The following DCLK2 variants were observed in gnomAD, a reference collection of about 807,000 sequenced individuals.
DCLK2 encodes doublecortin like kinase 2.
Under a neutral mutation model 78.4 loss-of-function variants are expected in DCLK2, and 31 were observed. That is an observed-to-expected ratio of 0.40 (90% CI 0.30 to 0.53). The LOEUF (loss-of-function observed/expected upper bound fraction) is 0.53. Ranked by LOEUF, DCLK2 falls within the 20% of genes least tolerant of loss-of-function variation. The pLI is 0.61. For missense variants in DCLK2, 872 were observed against 973.7 expected, an observed-to-expected ratio of 0.90 and a Z score of 1.39; for synonymous variants, 407 against 374.9, an observed-to-expected ratio of 1.09 and a Z score of -0.99.
intron 5 of DCLK2, among the ~76,000 whole-genome samples, chr4:150,213,413 T>C (rs1239852942): frequency 6.6e-6 from 1 of 152,218 alleles, no homozygotes; most frequent in Non-Finnish European, 1.5e-5. Context: ...TACTGAAGTA[T>C]TTCAAATTAT....
At chr4:150,152,973 A>T (rs1410785346) in intron 2 of DCLK2, among the ~76,000 whole-genome samples, 1 of 152,232 alleles carries the variant, frequency 6.6e-6, no homozygotes, top group African/African-American at 2.4e-5. Context: ...AGAACAAAGG[A>T]ATGACTCAAT....
chr4:150,248,895 G>C (rs1743528369), intron 14 of DCLK2, among the ~76,000 whole-genome samples: 1 of 151,938 alleles, frequency 6.6e-6, no homozygotes, highest in Admixed American at 6.6e-5. Context: ...GTGGTCTCTG[G>C]GAGGGAAACA....
intron 8 of DCLK2, among the ~76,000 whole-genome samples, chr4:150,225,263 T>C (rs780535168): frequency 6.6e-6 from 1 of 152,236 alleles, no homozygotes; most frequent in South Asian, 2.1e-4. Context: ...CTTGGAAAGA[T>C]AGTTTGGAAC....
intron 12 of DCLK2, among the ~76,000 whole-genome samples, chr4:150,246,047 CTTTT>C (rs35501963): frequency 7.0e-6 from 1 of 143,704 alleles, no homozygotes. Context: ...AAACTCTACT[CTTTT>C]TTTTTTTTTT....
At chr4:150,190,321 G>A (rs57531291) in intron 2 of DCLK2, among the ~76,000 whole-genome samples, 8 of 151,942 alleles carry the variant, frequency 5.3e-5, no homozygotes, top group Non-Finnish European at 1.2e-4. Context: ...ACAGACGGAC[G>A]GATAGATGTC....
chr4:150,249,251 G>A (rs777826262), intron 14 of DCLK2, among the ~76,000 whole-genome samples: 2 of 152,070 alleles, frequency 1.3e-5, no homozygotes, highest in Non-Finnish European at 2.9e-5. Flanking sequence ...ATACTAAATC[G>A]TGTGCCTTGG....
chr4:150,101,565 C>A (rs1018514110), intron 1 of DCLK2, among the ~76,000 whole-genome samples: 6 of 151,838 alleles, frequency 4.0e-5, no homozygotes, highest in Admixed American at 2.0e-4. Flanking sequence ...ACCCTCTTAT[C>A]TTGTATGTCA....
chr4:150,198,142 C>G (rs368290083), intron 4 of DCLK2, 39 bp downstream of exon 4: 19 of 1,540,414 alleles, frequency 1.2e-5, no homozygotes, highest in Non-Finnish European at 1.7e-5. Context: ...ATAGCAGGAA[C>G]AGATCATTTT....
rs1744559456 is a variant in DCLK2, at chr4:150,256,240, G to A, written c.2294G>A (p.Arg765Gln). ...CGGGCAGGAACCTGGCGCCGCCACCGAGACTGAGCCTCCTGCAGACGGGCG... is the reference window on the plus strand; with the variant it reads ...CGGGCAGGAACCTGGCGCCGCCACCAAGACTGAGCCTCCTGCAGACGGGCG... The part of the protein sequence containing the change: ...GERAGTWRRH[R>Q]D The change falls in exon 16 of 16, where the codon CGA (arginine) becomes CAA (glutamine). Residue 765 changes from arginine (R) to glutamine (Q), a missense_variant. This residue lies in a region of DCLK2 where 219 missense variants were observed against 230.1 expected (regional missense o/e 0.95). Coordinates refer to ENST00000296550, the MANE Select transcript of DCLK2 (RefSeq NM_001040260.4). 2.7e-6 allele frequency: 4 copies of A among 1,457,056 alleles called. No homozygotes were observed. The highest frequency in any genetic ancestry group is 2.9e-5 in the East Asian group (1 of 34,420). 90.3% of individuals were successfully genotyped at this position (1,457,056 alleles called of 1,614,324 possible).
chr4:150,226,628 T>A (rs987688023), intron 8 of DCLK2, among the ~76,000 whole-genome samples: 13 of 152,100 alleles, frequency 8.5e-5, no homozygotes, highest in African/African-American at 3.1e-4. Context: ...ATGCAAAAAA[T>A]TTACACTAAG....
intron 2 of DCLK2, among the ~76,000 whole-genome samples, chr4:150,139,387 AAAG>A (rs1733952283): frequency 1.3e-5 from 2 of 152,154 alleles, no homozygotes; most frequent in Admixed American, 6.6e-5. Context: ...TAGGTGTGTA[AAAG>A]GAGTATCCGT....
intron 2 of DCLK2, among the ~76,000 whole-genome samples, chr4:150,154,209 G>A (rs1580608919): frequency 6.6e-6 from 1 of 152,246 alleles, no homozygotes; most frequent in East Asian, 1.9e-4. Context: ...CGAGTAATAC[G>A]TTTGTCACTC....
At chr4:150,208,455 T>G (rs1054311227) in intron 5 of DCLK2, among the ~76,000 whole-genome samples, 9 of 152,074 alleles carry the variant, frequency 5.9e-5, no homozygotes, top group Admixed American at 2.0e-4. Flanking sequence ...GGAGTCTTGC[T>G]ATGTTGCCCA....
intron 1 of DCLK2, among the ~76,000 whole-genome samples, chr4:150,091,847 C>G (rs1280257116): frequency 2.0e-5 from 3 of 150,924 alleles, no homozygotes; most frequent in Admixed American, 1.3e-4. Flanking sequence ...TCTGCCCTTT[C>G]AAATTTAAGT....
At chr4:150,163,526 C>A (rs1280408230) in intron 2 of DCLK2, among the ~76,000 whole-genome samples, 1 of 152,190 alleles carries the variant, frequency 6.6e-6, no homozygotes, top group Non-Finnish European at 1.5e-5. Flanking sequence ...CCAACCGCCA[C>A]CCCATGGTGT....
chr4:150,177,749 C>G (rs1370161261), intron 2 of DCLK2, among the ~76,000 whole-genome samples: 1 of 152,132 alleles, frequency 6.6e-6, no homozygotes, highest in Non-Finnish European at 1.5e-5. Context: ...AAGACATAAT[C>G]AGTATGACAT....
chr4:150,144,434 TC>T (rs751862388), intron 2 of DCLK2, among the ~76,000 whole-genome samples: 3 of 152,234 alleles, frequency 2.0e-5, no homozygotes, highest in Non-Finnish European at 2.9e-5. Context: ...GTTCCATTGA[TC>T]CGTGTGCATA....
At chr4:150,193,692 T>C (rs1738646488) in intron 3 of DCLK2, among the ~76,000 whole-genome samples, 1 of 152,174 alleles carries the variant, frequency 6.6e-6, no homozygotes, top group Non-Finnish European at 1.5e-5. Flanking sequence ...GGATAATAAC[T>C]ATCAATGGTG....
At chr4:150,101,072 A>G (rs942291850) in intron 1 of DCLK2, among the ~76,000 whole-genome samples, 3 of 152,000 alleles carry the variant, frequency 2.0e-5, no homozygotes, top group African/African-American at 7.2e-5. Context: ...GGGCAACATA[A>G]TAAAAACGCT....
Sources: gnomAD v4.1 joint callset for allele counts (sites outside exome capture counted in the v4.1 genomes callset) on GRCh38, gnomAD v4.1.1 for gene constraint, gnomAD v4.1.1 regional missense constraint, MANE v1.5 for transcripts, NCBI Gene and HGNC (gene_info 2026-07-23, HGNC 2026-07-21) for gene names.